The following PIK3CG variants were observed in gnomAD, a reference collection of about 807,000 sequenced individuals.
The protein encoded by PIK3CG is phosphatidylinositol-4,5-bisphosphate 3-kinase catalytic subunit gamma.
Under a neutral mutation model 102.3 loss-of-function variants are expected in PIK3CG, and 55 were observed. The ratio of observed to expected loss-of-function variants is 0.54; its 90% CI spans 0.43 to 0.67. PIK3CG has a LOEUF of 0.67. Ranked by LOEUF, PIK3CG falls within the 30% of genes least tolerant of loss-of-function variation. The probability of loss-of-function intolerance (pLI) is 0.00; values close to 1 mark genes in which losing one functional copy is unlikely to be tolerated. For synonymous variants in PIK3CG, 552 were observed against 540.0 expected (o/e 1.02, Z -0.31); for missense variants, 1,258 against 1,391.8 (o/e 0.90, Z 1.53).
rs754441790 is a variant in PIK3CG, at chr7:106,882,123, C to T, written c.2545C>T (p.Arg849Ter). ...RQDMLILQIL[R>*]IMESIWETES... ...TCTGTGTTTCGATGCCCAGATTCTA[C>T]GAATCATGGAGTCTATTTGGGAGAC... The change falls in exon 7 of 11, where the codon CGA becomes TGA. Residue 849 changes from arginine to a stop codon, truncating the protein, a stop_gained. Coordinates refer to ENST00000496166, the MANE Select transcript of PIK3CG (RefSeq NM_001282426.2). LOFTEE classifies it high-confidence loss of function. The T allele has an allele frequency of 5.6e-5, 83 of 1,469,732 alleles. No individual in the cohort carries two copies. The highest frequency in any genetic ancestry group is 7.4e-5 in the Non-Finnish European group (82 of 1,101,130). 91.0% of individuals were successfully genotyped at this position (1,469,732 alleles called of 1,614,324 possible).
Position 106,899,554 on chromosome 7 carries a change from T to C in PIK3CG, c.3031-5555T>C, listed in dbSNP as rs1399398909. Reference sequence around the variant, plus strand: ...TATGTTCCTTCAATACCTAGTTTATTGAGAGTTTTTAACATGAAAGGGTGT... The same window carrying C: ...TATGTTCCTTCAATACCTAGTTTATCGAGAGTTTTTAACATGAAAGGGTGT... On this transcript the variant is annotated intron_variant, in intron 10 of 10. Transcript: ENST00000496166. The surrounding 1 kb of genome is among the most constrained non-coding windows in gnomAD (Gnocchi z 4.6). 2.0e-5 allele frequency among the ~76,000 whole-genome samples: 3 copies of C among 152,224 alleles called. No homozygotes were observed. The highest frequency in any genetic ancestry group is 2.0e-4 in the Admixed American group (3 of 15,280).
At position 106,869,231 on chromosome 7, in the gene PIK3CG, C is replaced by T. The variant is rs139426517; in HGVS notation, c.1670C>T (p.Ala557Val). The T allele has an allele frequency of 6.8e-5, 110 of 1,614,028 alleles. No homozygotes were observed. The highest frequency in any genetic ancestry group is 1.6e-4 in the Middle Eastern group (1 of 6,084). ...AACCAGCTTCGCAAGCAATTGGAGG[C>T]GATCATAGCCACTGATCCACTTAAC... ...MPNQLRKQLE[A>V]IIATDPLNPL... is the part of the protein sequence containing the mutation. The change falls in exon 2 of 11, where the codon GCG becomes GTG. Residue 557 changes from alanine (A) to valine (V), a missense_variant. Transcript: ENST00000496166. The surrounding 1 kb of genome is among the most constrained non-coding windows in gnomAD (Gnocchi z 5.3).
chr7:106,873,035 C>A, intron 4 of PIK3CG, 97 bp downstream of exon 4: 1 of 911,330 alleles, frequency 1.1e-6, no homozygotes, highest in Non-Finnish European at 1.7e-6. Flanking sequence ...ATCCAAGTTG[C>A]ATCCTCCTGA....
At chr7:106,871,515 A>G (rs2116476654) in intron 2 of PIK3CG, among the ~76,000 whole-genome samples, 1 of 152,364 alleles carries the variant, frequency 6.6e-6, no homozygotes, top group South Asian at 2.1e-4. Context: ...AATATAAACT[A>G]GAATGTGAAT....
rs1425311937 is a variant in PIK3CG at position 106,903,446 on chromosome 7, G to A, written c.3031-1663G>A. Among the ~76,000 whole-genome samples the A allele has an allele frequency of 6.6e-6, 1 of 151,714 alleles. No homozygotes were observed. The highest frequency in any genetic ancestry group is 2.4e-5 in the African/African-American group (1 of 41,402). ...AAAAACTGACTCATTGCTCTTCAGA[G>A]ATTAAAGTTTTATAATTTTTTAAGA... is the stretch of plus-strand genomic sequence containing the variant. On this transcript the variant is annotated intron_variant, in intron 10 of 10. Coordinates refer to ENST00000496166, the MANE Select transcript of PIK3CG (RefSeq NM_001282426.2). This position sits in a 1 kb window ranked among gnomAD's most constrained non-coding sequence, Gnocchi z 4.3.
In PIK3CG at chr7:106,886,142, A is replaced by T. The variant is rs2116560413; in HGVS notation, c.2880A>T (p.Leu960=). 1 of 1,613,866 alleles carries T rather than the reference A, an allele frequency of 6.2e-7. No individual in the cohort carries two copies. Among genetic ancestry groups the T allele is most frequent in the South Asian group, 1.1e-5 (1 of 91,060 alleles). Residue 960 remains leucine (L), a synonymous_variant, in exon 10 of 11, where the codon CTA becomes CTT. Transcript: ENST00000496166. ...DNIMITETGN[L]FHIDFGHILG... ...ATACTTTCTTCTCTTAAGGAAACCT[A>T]TTTCATATTGACTTCGGGCACATTC...
At chr7:106,875,785 T>A (rs1790708234) in intron 5 of PIK3CG, among the ~76,000 whole-genome samples, 1 of 152,214 alleles carries the variant, frequency 6.6e-6, no homozygotes, top group Non-Finnish European at 1.5e-5. Context: ...ATGGTGTGTG[T>A]GTGTAATTTT....
rs550918348 is a variant in PIK3CG, at chr7:106,874,488, G to A, written c.2288-212G>A. Among the ~76,000 whole-genome samples, 13 of 152,272 alleles carry A rather than the reference G, an allele frequency of 8.5e-5. No homozygotes were observed. The East Asian group carries it at 2.5e-3, about 29-fold the overall frequency. ...ATTTCTGTCCCCTGTTGTAGTATGTGTACATGGTTATGTTGCTCACCTTAA... is the reference window on the plus strand; with the variant it reads ...ATTTCTGTCCCCTGTTGTAGTATGTATACATGGTTATGTTGCTCACCTTAA... On this transcript the variant is annotated intron_variant, in intron 4 of 10. Coordinates refer to ENST00000496166, the MANE Select transcript of PIK3CG (RefSeq NM_001282426.2). The surrounding 1 kb of genome is among the most constrained non-coding windows in gnomAD (Gnocchi z 4.3).
chr7:106,900,086 G>A (rs761036677), intron 10 of PIK3CG, among the ~76,000 whole-genome samples: 3 of 151,944 alleles, frequency 2.0e-5, no homozygotes, highest in Non-Finnish European at 4.4e-5. Context: ...GTCTTGGGAG[G>A]GTGTATGTGT....
In PIK3CG at chr7:106,872,044, T is replaced by C. The variant is rs1183750933; in HGVS notation, c.1996-493T>C. ...ACAGTTCAGTGACTTGCCAGTGAGA[T>C]GCCGAAAAGGGAAGCTATAGGGCTT... On this transcript the variant is annotated intron_variant, in intron 2 of 10. Transcript: ENST00000496166. This position sits in a 1 kb window ranked among gnomAD's most constrained non-coding sequence, Gnocchi z 5.3. Among the ~76,000 whole-genome samples, 4 of 152,222 alleles carry C rather than the reference T, an allele frequency of 2.6e-5. No homozygotes were observed. The highest frequency in any genetic ancestry group is 7.2e-5 in the African/African-American group (3 of 41,452).
Position 106,874,838 on chromosome 7 carries a change from A to G in PIK3CG, c.2391+35A>G, listed in dbSNP as rs2116500422. 2.9e-6 allele frequency: 4 copies of G among 1,398,106 alleles called. No individual in the cohort carries two copies. The highest frequency in any genetic ancestry group is 4.1e-6 in the Non-Finnish European group (4 of 987,136). 86.6% of individuals were successfully genotyped at this position (1,398,106 alleles called of 1,614,324 possible). A position where few individuals can be genotyped will look rare whatever the true frequency, so the allele number is the denominator to read the frequency against. ...ACTTGGATGTCTCCATGTGGTCTTT[A>G]TGTCTTGAAGATGTCTAACGTGCTT... On this transcript the variant is annotated intron_variant, in intron 5 of 10. Coordinates refer to ENST00000496166, the MANE Select transcript of PIK3CG (RefSeq NM_001282426.2). This position sits in a 1 kb window ranked among gnomAD's most constrained non-coding sequence, Gnocchi z 4.3.
chr7:106,904,692 T>A (rs1387280388), intron 10 of PIK3CG, among the ~76,000 whole-genome samples: 1 of 152,262 alleles, frequency 6.6e-6, no homozygotes, highest in African/African-American at 2.4e-5. Flanking sequence ...CACATTTCCA[T>A]CAGTGCTTTG....
intron 10 of PIK3CG, among the ~76,000 whole-genome samples, chr7:106,904,809 T>C (rs1366995612): frequency 6.6e-6 from 1 of 152,216 alleles, no homozygotes; most frequent in Non-Finnish European, 1.5e-5. Context: ...TACAGAAATG[T>C]CTACCCTCAA....
At position 106,869,357 on chromosome 7, in the gene PIK3CG, G is replaced by A. The variant is rs2116463812; in HGVS notation, c.1796G>A (p.Gly599Glu). The change falls in exon 2 of 11, where the codon GGA becomes GAA. Residue 599 changes from glycine to glutamate, a missense_variant. Around this residue, in one of 2 missense-constraint regions of PIK3CG, gnomAD observed 426 missense variants for 604.2 expected, o/e 0.71. Transcript: ENST00000496166. The surrounding 1 kb of genome is among the most constrained non-coding windows in gnomAD (Gnocchi z 5.3). ...YPKLFSSVKW[G>E]QQEIVAKTYQ... Reference sequence around the variant, plus strand: ...AAGCTATTTAGTTCAGTGAAATGGGGACAGCAAGAAATTGTGGCCAAAACA... The same window carrying A: ...AAGCTATTTAGTTCAGTGAAATGGGAACAGCAAGAAATTGTGGCCAAAACA... 1 of 1,614,238 alleles carries A rather than the reference G, an allele frequency of 6.2e-7. No individual in the cohort carries two copies. Among genetic ancestry groups the A allele is most frequent in the African/African-American group, 1.3e-5 (1 of 75,064 alleles).
At chr7:106,871,836 C>A (rs1790540435) in intron 2 of PIK3CG, among the ~76,000 whole-genome samples, 2 of 152,228 alleles carry the variant, frequency 1.3e-5, no homozygotes, top group Non-Finnish European at 2.9e-5. Flanking sequence ...TCTCTAACAT[C>A]AGCCAAGTGA....
At chr7:106,865,624 T>C (rs1007482509) in intron 1 of PIK3CG, 198 bp downstream of exon 1, 3 of 152,212 alleles carry the variant, frequency 2.0e-5, no homozygotes, top group African/African-American at 7.2e-5. Context: ...GTGCATCACA[T>C]TTTTGTTTTT....
chr7:106,868,428 C>T lies in PIK3CG; in HGVS notation c.867C>T (p.Asn289=), dbSNP rs1163705888. ...TGGTGGGCGAAACGCCCATCAAAAA[C>T]TTCCAGTGGGTGAGGCACTGCCTCA... ...EYLVGETPIK[N]FQWVRHCLKN... The change falls in exon 2 of 11, where the codon AAC becomes AAT. Residue 289 remains asparagine (N), a synonymous_variant. Coordinates refer to ENST00000496166, the MANE Select transcript of PIK3CG (RefSeq NM_001282426.2). The surrounding 1 kb of genome is among the most constrained non-coding windows in gnomAD (Gnocchi z 6.2). The T allele has an allele frequency of 1.9e-6, 3 of 1,614,110 alleles. No homozygotes were observed. The highest frequency in any genetic ancestry group is 1.7e-6 in the Non-Finnish European group (2 of 1,180,044).
rs552904751 is a variant in PIK3CG at position 106,880,422 on chromosome 7, C to T, written c.2538+757C>T. On this transcript the variant is annotated intron_variant, in intron 6 of 10. Transcript: ENST00000496166. The surrounding 1 kb of genome is among the most constrained non-coding windows in gnomAD (Gnocchi z 4.2). ...TTTTTACTTATTTCTAATATAGAAA[C>T]AGGAATACCTTTGCTTTGCCTTTGC... 6.2e-4 allele frequency among the ~76,000 whole-genome samples: 94 copies of T among 151,978 alleles called. No homozygotes were observed. Among genetic ancestry groups the T allele is most frequent in the Non-Finnish European group, 9.4e-4 (64 of 68,016 alleles).
intron 10 of PIK3CG, among the ~76,000 whole-genome samples, chr7:106,889,789 A>G (rs1162657811): frequency 6.6e-6 from 1 of 152,206 alleles, no homozygotes; most frequent in Non-Finnish European, 1.5e-5. Context: ...CAAGGGAGCT[A>G]CTTTAGCCTA....
Sources: allele counts gnomAD v4.1 joint callset (sites outside exome capture counted in the v4.1 genomes callset), GRCh38; gene constraint gnomAD v4.1.1; regional missense constraint gnomAD v4.1.1; non-coding constraint Gnocchi (gnomAD v3.1); transcripts MANE v1.5; gene names NCBI Gene and HGNC (gene_info 2026-07-23, HGNC 2026-07-21).